RHOA: variants seen among roughly 807,000 people sequenced by gnomAD.
RHOA encodes ras homolog family member A.
RHOA carries 3 observed loss-of-function variants against 17.5 expected under a neutral mutation model. The ratio of observed to expected loss-of-function variants is 0.17; its 90% CI spans 0.08 to 0.44. The LOEUF (loss-of-function observed/expected upper bound fraction) is 0.44. RHOA is among the 20% of genes least tolerant of loss of function. The pLI, the probability that RHOA is intolerant of heterozygous loss-of-function variation, is 0.99. For missense variants in RHOA, 56 were observed against 242.3 expected (o/e 0.23, Z 5.10); for synonymous variants, 98 against 88.4 (o/e 1.11, Z -0.61).
At chr3:49,370,517 G>A (rs1004381058) in intron 2 of RHOA, among the ~76,000 whole-genome samples, 3 of 152,208 alleles carry the variant, frequency 2.0e-5, no homozygotes, top group Non-Finnish European at 4.4e-5. Context: ...TTGGTAGGTA[G>A]GAAAAGACAC....
intron 1 of RHOA, among the ~76,000 whole-genome samples, chr3:49,396,146 A>G (rs1285170469): frequency 6.6e-6 from 1 of 152,254 alleles, no homozygotes; most frequent in East Asian, 1.9e-4. Flanking sequence ...CATGCTTGCA[A>G]AAAGAACACA....
At chr3:49,361,885 AAAAAT>A (rs1213864038) in intron 4 of RHOA, among the ~76,000 whole-genome samples, 1 of 149,018 alleles carries the variant, frequency 6.7e-6, no homozygotes, top group Non-Finnish European at 1.5e-5. Context: ...CTCAAAAAAT[AAAAAT>A]AAAGAGTCTA....
chr3:49,359,676 A>T lies in RHOA; in HGVS notation c.*533T>A. ...GTGGCACTAATTACACAGTAACTATAAGGTAACTAACATGAAACCACAGAA... is the reference window on the plus strand; with the variant it reads ...GTGGCACTAATTACACAGTAACTATTAGGTAACTAACATGAAACCACAGAA... On this transcript the variant is annotated 3_prime_UTR_variant, in exon 5 of 5. Transcript: ENST00000418115. 4.6e-6 allele frequency: 1 copy of T among 217,272 alleles called. No homozygotes were observed. The highest frequency in any genetic ancestry group is 7.0e-5 in the East Asian group (1 of 14,372). The allele number at this position is 217,272 out of a possible 1,614,324, so 13.5% of individuals were successfully genotyped here. A position where few individuals can be genotyped will look rare whatever the true frequency, so the allele number is the denominator to read the frequency against.
At chr3:49,365,717 A>G (rs1050607100) in intron 3 of RHOA, among the ~76,000 whole-genome samples, 2 of 150,432 alleles carry the variant, frequency 1.3e-5, no homozygotes, top group Non-Finnish European at 2.9e-5. Flanking sequence ...CAGCCTCCTG[A>G]GTAGCTGGGA....
At chr3:49,361,032 C>T (rs1274957910) in intron 4 of RHOA, 3 of 177,010 alleles carry the variant, frequency 1.7e-5, no homozygotes, top group South Asian at 1.5e-4. Context: ...CAAGATCGTG[C>T]CACAGCACTC....
chr3:49,359,952 T>C lies in RHOA; in HGVS notation c.*257A>G, dbSNP rs15932. On this transcript the variant is annotated 3_prime_UTR_variant, in exon 5 of 5. Transcript: ENST00000418115. The stretch of plus-strand genomic sequence containing the variant: ...AAGAAGCAAGAAGTTAAGAAATTCC[T>C]TGAATTAGCGCCTGGTGTGTCAGGT... The C allele has an allele frequency of 1.0e-3, 403 of 397,948 alleles. 4 individuals carry two copies. Among genetic ancestry groups the C allele is most frequent in the Middle Eastern group, 6.5e-4 (1 of 1,542 alleles). The allele number at this position is 397,948 out of a possible 1,614,324, so 24.7% of individuals were successfully genotyped here. A position where few individuals can be genotyped will look rare whatever the true frequency, so the allele number is the denominator to read the frequency against.
At chr3:49,381,356 T>C (rs1010552651) in intron 1 of RHOA, among the ~76,000 whole-genome samples, 2 of 148,748 alleles carry the variant, frequency 1.3e-5, no homozygotes, top group Admixed American at 1.3e-4. Context: ...AGTAAGCCGA[T>C]ATCTCGCCAT....
intron 1 of RHOA, among the ~76,000 whole-genome samples, chr3:49,404,433 AACACACAC>A (rs374020319): frequency 2.2e-5 from 2 of 90,764 alleles, no homozygotes; most frequent in Admixed American, 1.5e-4. Context: ...TCTCTAGTAA[AACACACAC>A]ACACACACAC....
chr3:49,389,922 G>C (rs1182203857), intron 1 of RHOA, among the ~76,000 whole-genome samples: 3 of 117,590 alleles, frequency 2.6e-5, no homozygotes, highest in Admixed American at 9.6e-5. Flanking sequence ...GGGCAACAGA[G>C]TGAGACTCCA....
rs3204561 is a variant in RHOA at position 49,359,247 on chromosome 3, G to A, written c.*962C>T. On this transcript the variant is annotated 3_prime_UTR_variant, in exon 5 of 5. Coordinates refer to ENST00000418115, the MANE Select transcript of RHOA (RefSeq NM_001664.4). ...AAGAGAGACTGAGTGCCACCCATGA[G>A]AACTGGTGGCTCCTCTGGGAGGGAA... The A allele has an allele frequency of 5.2e-6, 1 of 193,014 alleles. No individual in the cohort carries two copies. Among genetic ancestry groups the A allele is most frequent in the East Asian group, 8.2e-5 (1 of 12,140 alleles). 12.0% of individuals were successfully genotyped at this position (193,014 alleles called of 1,614,324 possible).
chr3:49,391,371 G>A (rs1316810632), intron 1 of RHOA, among the ~76,000 whole-genome samples: 3 of 148,868 alleles, frequency 2.0e-5, no homozygotes, highest in African/African-American at 7.4e-5. Flanking sequence ...CAACTTGAGC[G>A]ACAGAGTGAG....
chr3:49,374,127 G>C (rs1369890698), intron 2 of RHOA, among the ~76,000 whole-genome samples: 1 of 152,026 alleles, frequency 6.6e-6, no homozygotes, highest in Non-Finnish European at 1.5e-5. Flanking sequence ...GAGACGGGCA[G>C]ATCACAAGAT....
intron 1 of RHOA, among the ~76,000 whole-genome samples, chr3:49,393,592 TG>T (rs2048549608): frequency 7.9e-6 from 1 of 126,160 alleles, no homozygotes; most frequent in Non-Finnish European, 1.6e-5. Flanking sequence ...GCCACTGCAC[TG>T]GCTTTTTTTT....
rs763329032 is a variant in RHOA, at chr3:49,360,758, TA to T, written c.409-377del. Among the ~76,000 whole-genome samples, 782 of 134,924 alleles carry T rather than the reference TA, an allele frequency of 5.8e-3. 4 individuals are homozygous for T. The highest frequency in any genetic ancestry group is 0.011 in the African/African-American group (426 of 37,424). The allele number at this position is 134,924 out of a possible 152,430, so 88.5% of individuals were successfully genotyped here. ...CAGGCATGAGCCACTGTACCCAGCCTAAAAAAAAAAAAGACTTTCAAAAGCT... is the reference window on the plus strand; with the variant it reads ...CAGGCATGAGCCACTGTACCCAGCCTAAAAAAAAAAAGACTTTCAAAAGCT... On this transcript the variant is annotated intron_variant, in intron 4 of 4. Coordinates refer to ENST00000418115, the MANE Select transcript of RHOA (RefSeq NM_001664.4).
intron 1 of RHOA, among the ~76,000 whole-genome samples, chr3:49,377,594 T>TA (rs2048250094): frequency 8.7e-6 from 1 of 114,388 alleles, no homozygotes; most frequent in South Asian, 3.7e-4. Context: ...ACACTGTCTC[T>TA]AAAAAAAGAA....
At chr3:49,401,872 C>A (rs1169214470) in intron 1 of RHOA, among the ~76,000 whole-genome samples, 5 of 152,172 alleles carry the variant, frequency 3.3e-5, no homozygotes, top group African/African-American at 1.2e-4. Flanking sequence ...TGCCAGCGCC[C>A]ATCTTGAAGC....
At chr3:49,385,679 T>TA (rs2048385421) in intron 1 of RHOA, among the ~76,000 whole-genome samples, 3 of 151,390 alleles carry the variant, frequency 2.0e-5, no homozygotes, top group African/African-American at 7.3e-5. Flanking sequence ...TTCAAGGTCG[T>TA]AAAAAAAATA....
At chr3:49,397,486 T>C (rs570508620) in intron 1 of RHOA, among the ~76,000 whole-genome samples, 72 of 152,180 alleles carry the variant, frequency 4.7e-4, no homozygotes, top group Non-Finnish European at 8.8e-4. Flanking sequence ...CTCAGTAAAA[T>C]TGTTACCAAA....
intron 1 of RHOA, among the ~76,000 whole-genome samples, chr3:49,399,853 A>G (rs762212620): frequency 3.9e-5 from 6 of 152,190 alleles, no homozygotes; most frequent in Non-Finnish European, 5.9e-5. Context: ...AGATTTATAT[A>G]GTAGATTACA....
Sources: allele counts gnomAD v4.1 joint callset (sites outside exome capture counted in the v4.1 genomes callset), GRCh38; gene constraint gnomAD v4.1.1; transcripts MANE v1.5; gene names NCBI Gene and HGNC (gene_info 2026-07-23, HGNC 2026-07-21).